G3BP1: variants seen among roughly 807,000 people sequenced by gnomAD.
G3BP1 encodes ras GTPase-activating protein-binding protein 1.
Under a neutral mutation model 58.6 loss-of-function variants are expected in G3BP1, and 35 were observed. The ratio of observed to expected loss-of-function variants is 0.60; its 90% CI spans 0.46 to 0.79. G3BP1 has a LOEUF of 0.79. Ranked by LOEUF, G3BP1 falls within the 30% of genes least tolerant of loss-of-function variation. The pLI is 0.00. For synonymous variants in G3BP1, 191 were observed against 195.4 expected (o/e 0.98, Z 0.19); for missense variants, 523 against 580.8 (o/e 0.90, Z 1.02).
chr5:151,800,792 A>G lies in G3BP1; in HGVS notation c.1117A>G (p.Ser373Gly), dbSNP rs1464033650. The change falls in exon 11 of 12, where the codon AGT becomes GGT. Residue 373 changes from serine to glycine, a missense_variant. Transcript: ENST00000356245. ...YGNVVELRINSGGKLPNFGFV... is the reference protein window; with the variant it reads ...YGNVVELRINGGGKLPNFGFV... ...AAACGTGGTGGAGTTGCGCATTAAC[A>G]GTGGTGGGAAATTACCCAATTTTGG... is the stretch of plus-strand genomic sequence containing the variant. The G allele has an allele frequency of 2.5e-6, 4 of 1,612,498 alleles. No homozygotes were observed. Among genetic ancestry groups the G allele is most frequent in the Non-Finnish European group, 3.4e-6 (4 of 1,178,706 alleles).
chr5:151,780,734 C>CT (rs1166013370), intron 1 of G3BP1, among the ~76,000 whole-genome samples: 2 of 152,142 alleles, frequency 1.3e-5, no homozygotes, highest in South Asian at 4.1e-4. Context: ...AGGATGGTCT[C>CT]TATCTCCTGG....
chr5:151,783,556 A>AT (rs552900622), intron 1 of G3BP1, among the ~76,000 whole-genome samples: 56 of 151,540 alleles, frequency 3.7e-4, no homozygotes, highest in African/African-American at 1.1e-3. Context: ...TGCCTGGCTA[A>AT]TTTTTTGTAT....
At chr5:151,783,797 C>T (rs930785130) in intron 1 of G3BP1, among the ~76,000 whole-genome samples, 3 of 152,176 alleles carry the variant, frequency 2.0e-5, no homozygotes, top group South Asian at 2.1e-4. Flanking sequence ...GAGTCACGCT[C>T]TGTCGCCCAG....
chr5:151,795,192 C>T (rs1312841886), intron 5 of G3BP1, among the ~76,000 whole-genome samples: 2 of 152,126 alleles, frequency 1.3e-5, no homozygotes, highest in East Asian at 1.9e-4. Flanking sequence ...AGGAGAATGG[C>T]GTGAACCCAG....
At chr5:151,790,110 C>CAAAAAAAAA (rs759799755) in intron 2 of G3BP1, among the ~76,000 whole-genome samples, 1 of 57,176 alleles carries the variant, frequency 1.7e-5, no homozygotes. Flanking sequence ...TCAGCAAGAG[C>CAAAAAAAAA]AAAAAAAAAA....
In G3BP1 at chr5:151,797,261, G is replaced by A. The variant is rs907031935; in HGVS notation, c.574G>A (p.Ala192Thr). ...GGAAGAACATTTAGAGGAGCCTGTT[G>A]CTGAACCAGAGCCTGATCCTGAACC... ...DMEEHLEEPV[A>T]EPEPDPEPEP... The change falls in exon 7 of 12, where the codon GCT becomes ACT. Residue 192 changes from alanine (A) to threonine (T), a missense_variant. Physicochemically the swap from Ala to Thr is moderately conservative, Grantham distance 58. Coordinates refer to ENST00000356245, the MANE Select transcript of G3BP1 (RefSeq NM_005754.3). 3.7e-6 allele frequency: 6 copies of A among 1,613,176 alleles called. No homozygotes were observed. Among genetic ancestry groups the A allele is most frequent in the Non-Finnish European group, 4.2e-6 (5 of 1,179,152 alleles).
chr5:151,789,495 G>A (rs1178256287), intron 2 of G3BP1, among the ~76,000 whole-genome samples: 1 of 152,208 alleles, frequency 6.6e-6, no homozygotes, highest in Non-Finnish European at 1.5e-5. Context: ...GATCAAAGGA[G>A]GACATAGATG....
chr5:151,789,434 G>C (rs2113232213), intron 2 of G3BP1, among the ~76,000 whole-genome samples: 1 of 152,308 alleles, frequency 6.6e-6, no homozygotes, highest in East Asian at 1.9e-4. Flanking sequence ...CCCTGGATTA[G>C]AGCATTTTGG....
At position 151,808,567 on chromosome 5, in the gene G3BP1, A is replaced by T. The variant is rs566478111; in HGVS notation, c.*4476A>T. The T allele has an allele frequency of 6.6e-6, 1 of 152,344 alleles. No individual in the cohort carries two copies. Among genetic ancestry groups the T allele is most frequent in the East Asian group, 1.9e-4 (1 of 5,186 alleles). 9.4% of individuals were successfully genotyped at this position (152,344 alleles called of 1,614,324 possible). A position where few individuals can be genotyped will look rare whatever the true frequency, so the allele number is the denominator to read the frequency against. ...TTATTTTAATTCCCTGTAAGAGGAA[A>T]ATAATATAGGGAATCTGTTCAACTA... On this transcript the variant is annotated 3_prime_UTR_variant, in exon 12 of 12. Transcript: ENST00000356245.
At chr5:151,791,804 G>T (rs1016057149) in intron 4 of G3BP1, 1 of 262,442 alleles carries the variant, frequency 3.8e-6, no homozygotes, top group Non-Finnish European at 7.5e-6. Flanking sequence ...CTATAGGCGT[G>T]TGCTACCGTA....
At chr5:151,803,008 A>C (rs1762879750) in intron 11 of G3BP1, among the ~76,000 whole-genome samples, 1 of 152,224 alleles carries the variant, frequency 6.6e-6, no homozygotes, top group African/African-American at 2.4e-5. Context: ...TACTCATTTT[A>C]AGAAATTAGA....
chr5:151,799,355 C>A (rs1247559156), intron 8 of G3BP1, 42 bp downstream of exon 8: 7 of 977,034 alleles, frequency 7.2e-6, no homozygotes, highest in Admixed American at 1.7e-5. Flanking sequence ...AAATTTACTT[C>A]TATTGTGGTA....
At chr5:151,779,975 C>G (rs1185438263) in intron 1 of G3BP1, among the ~76,000 whole-genome samples, 3 of 152,174 alleles carry the variant, frequency 2.0e-5, no homozygotes, top group Non-Finnish European at 4.4e-5. Context: ...TAGAAGAGAA[C>G]TGCTAGATTT....
rs1306043012 is a variant in G3BP1, at chr5:151,786,692, C to T, written c.72C>T (p.Asn24=). The part of the protein sequence containing the change: ...EFVRQYYTLL[N]QAPDMLHRFY... ...TGAGACAGTATTACACACTGCTGAA[C>T]CAGGCCCCAGACATGCTGCATAGGT... The change falls in exon 2 of 12, where the codon AAC becomes AAT. Residue 24 remains asparagine (N), a synonymous_variant. Transcript: ENST00000356245. The T allele has an allele frequency of 1.2e-6, 2 of 1,609,870 alleles. No individual in the cohort carries two copies. The highest frequency in any genetic ancestry group is 1.7e-6 in the Non-Finnish European group (2 of 1,176,120).
chr5:151,784,263 A>G (rs1017349505), intron 1 of G3BP1, among the ~76,000 whole-genome samples: 2 of 151,088 alleles, frequency 1.3e-5, no homozygotes, highest in African/African-American at 2.4e-5. Context: ...CACTTAGCTA[A>G]TTTTTTTTTC....
Position 151,792,582 on chromosome 5 carries a change from T to C in G3BP1, c.351+1520T>C, listed in dbSNP as rs549473879. On this transcript the variant is annotated intron_variant, in intron 4 of 11. Coordinates refer to ENST00000356245, the MANE Select transcript of G3BP1 (RefSeq NM_005754.3). Reference sequence around the variant, plus strand: ...AAACTGTCTCATTTAATACAGAGAGTATTGAGGTATATGTTGATATCTTTC... The same window carrying C: ...AAACTGTCTCATTTAATACAGAGAGCATTGAGGTATATGTTGATATCTTTC... Among the ~76,000 whole-genome samples, 8 of 152,154 alleles carry C rather than the reference T, an allele frequency of 5.3e-5. No homozygotes were observed. The South Asian group carries it at 1.7e-3, about 32-fold the overall frequency.
At chr5:151,790,011 TAAATAA>T (rs1561533932) in intron 2 of G3BP1, among the ~76,000 whole-genome samples, 1 of 149,420 alleles carries the variant, frequency 6.7e-6, no homozygotes. Context: ...TATCTCTACT[TAAATAA>T]AAATAATCAG....
rs926850713 is a variant in G3BP1, at chr5:151,804,984, A to G, written c.*893A>G. ...TTCAGAGTATGTGGGGAATTATAGA[A>G]TCCCTCTTTCATCACTTTGTGTATG... On this transcript the variant is annotated 3_prime_UTR_variant, in exon 12 of 12. Coordinates refer to ENST00000356245, the MANE Select transcript of G3BP1 (RefSeq NM_005754.3). 30 of 152,672 alleles carry G rather than the reference A, an allele frequency of 2.0e-4. No individual in the cohort carries two copies. The highest frequency in any genetic ancestry group is 7.0e-4 in the African/African-American group (29 of 41,564). 9.5% of individuals were successfully genotyped at this position (152,672 alleles called of 1,614,324 possible). A position where few individuals can be genotyped will look rare whatever the true frequency, so the allele number is the denominator to read the frequency against.
chr5:151,776,963 C>G (rs1459953562), intron 1 of G3BP1, among the ~76,000 whole-genome samples: 3 of 148,922 alleles, frequency 2.0e-5, no homozygotes, highest in East Asian at 2.0e-4. Context: ...TTTTTAAAAG[C>G]ATGTTTTTTC....
Sources: allele counts gnomAD v4.1 joint callset (sites outside exome capture counted in the v4.1 genomes callset), GRCh38; gene constraint gnomAD v4.1.1; transcripts MANE v1.5; gene names NCBI Gene and HGNC (gene_info 2026-07-23, HGNC 2026-07-21).